ANK2: variants seen among roughly 807,000 people sequenced by gnomAD.
ANK2 encodes the protein ankyrin-2.
In ANK2, 83 loss-of-function variants were observed where a neutral mutation model predicts 360.5. That is an observed-to-expected ratio of 0.23 (90% CI 0.19 to 0.28). ANK2 has a LOEUF of 0.28. Among genes scored for constraint, ANK2 ranks in the 10% least tolerant of loss-of-function variants. ANK2 has a pLI of 1.00. For synonymous variants in ANK2, 1,740 were observed against 1,759.5 expected (o/e 0.99, Z 0.28); for missense variants, 4,201 against 4,795.7 (o/e 0.88, Z 3.66).
intron 1 of ANK2, among the ~76,000 whole-genome samples, chr4:112,842,245 G>A (rs2149813056): frequency 6.6e-6 from 1 of 152,232 alleles, no homozygotes; most frequent in Non-Finnish European, 1.5e-5. Flanking sequence ...CCTGACCTCA[G>A]GTGATCCGCC....
intron 1 of ANK2, chr4:113,107,003 G>A (rs772097007): frequency 4.0e-6 from 2 of 497,288 alleles, no homozygotes; most frequent in Non-Finnish European, 8.2e-6. Context: ...GTGTCAAATG[G>A]TGATTGTTCT....
intron 1 of ANK2, among the ~76,000 whole-genome samples, chr4:113,075,494 A>G (rs1282936998): frequency 6.6e-6 from 1 of 152,176 alleles, no homozygotes; most frequent in Admixed American, 6.5e-5. Context: ...CTGAAAATGC[A>G]TTATGATCTC....
chr4:113,376,838 C>T (rs1254611803), intron 45 of ANK2, among the ~76,000 whole-genome samples: 2 of 134,570 alleles, frequency 1.5e-5, no homozygotes, highest in Non-Finnish European at 3.1e-5. Flanking sequence ...AAACAAAGGC[C>T]TAAGCATGTA....
At position 113,069,402 on chromosome 4, in the gene ANK2, T is replaced by G. The variant is rs942650904; in HGVS notation, c.84+19590T>G. On this transcript the variant is annotated intron_variant, in intron 1 of 45. Coordinates refer to ENST00000357077, the MANE Select transcript of ANK2 (RefSeq NM_001148.6). ...CCAGCACAGGCTACAGTGGACAGTGTGCAATAGCAACCCTTGTCATGAAGG... is the reference window on the plus strand; with the variant it reads ...CCAGCACAGGCTACAGTGGACAGTGGGCAATAGCAACCCTTGTCATGAAGG... Among the ~76,000 whole-genome samples the G allele has an allele frequency of 4.6e-5, 7 of 152,194 alleles. No homozygotes were observed. The East Asian group carries it at 1.3e-3, about 29-fold the overall frequency.
chr4:113,263,903 A>G (rs887431151), intron 13 of ANK2, among the ~76,000 whole-genome samples: 2 of 152,196 alleles, frequency 1.3e-5, no homozygotes, highest in African/African-American at 4.8e-5. Context: ...GAGACAGTAG[A>G]GTAATAACCG....
chr4:113,366,133 C>T (rs563000570), intron 41 of ANK2, among the ~76,000 whole-genome samples: 1 of 152,246 alleles, frequency 6.6e-6, no homozygotes, highest in Non-Finnish European at 1.5e-5. Flanking sequence ...GCTGTTACTC[C>T]ATCCATTTCA....
intron 2 of ANK2, among the ~76,000 whole-genome samples, chr4:112,984,210 G>A (rs925066201): frequency 6.6e-6 from 1 of 152,124 alleles, no homozygotes. Flanking sequence ...TTTTCTTATT[G>A]TATGGGGAGA....
chr4:112,957,643 G>T (rs1161973514), intron 2 of ANK2, among the ~76,000 whole-genome samples: 5 of 150,434 alleles, frequency 3.3e-5, no homozygotes, highest in African/African-American at 9.8e-5. Context: ...CGGGCGGGGG[G>T]CTGACCCCCC....
At chr4:113,117,282 T>C (rs1449544097) in intron 1 of ANK2, 1 of 455,798 alleles carries the variant, frequency 2.2e-6, no homozygotes, top group Non-Finnish European at 4.4e-6. Flanking sequence ...GCTGATTTCC[T>C]CTGCAAAATG....
chr4:112,989,542 C>T (rs1424748878), intron 2 of ANK2, among the ~76,000 whole-genome samples: 1 of 152,212 alleles, frequency 6.6e-6, no homozygotes, highest in African/African-American at 2.4e-5. Flanking sequence ...GCAGTATGTT[C>T]TCATTATGCT....
chr4:113,143,354 G>A (rs747706809), intron 1 of ANK2, among the ~76,000 whole-genome samples: 65 of 152,378 alleles, frequency 4.3e-4, no homozygotes, highest in Non-Finnish European at 8.7e-4. Flanking sequence ...AACAATTCGA[G>A]CTGTTAAAGC....
chr4:112,811,976 G>GAGGC, the ANK2 span, among the ~76,000 whole-genome samples: 1 of 150,352 alleles, frequency 6.7e-6, no homozygotes, highest in Admixed American at 6.7e-5. Flanking sequence ...TCAGGAGGCT[G>GAGGC]AGGCAGGAGA....
chr4:113,381,168 A>C (rs1293030927), intron 45 of ANK2, among the ~76,000 whole-genome samples: 2 of 152,364 alleles, frequency 1.3e-5, no homozygotes, highest in Admixed American at 1.3e-4. Flanking sequence ...TTTTGAGAAG[A>C]TCAAATTAAA....
At chr4:113,037,209 C>T (rs2061800558) in intron 2 of ANK2, among the ~76,000 whole-genome samples, 1 of 151,738 alleles carries the variant, frequency 6.6e-6, no homozygotes, top group South Asian at 2.1e-4. Context: ...ATTTGTGGGC[C>T]CAGGAAATAC....
chr4:113,359,097 A>C lies in ANK2; in HGVS notation c.10479A>C (p.Thr3493=). ...CTTCCAAATTAGTGGATAGGCTGAC[A>C]CAGTCAGAGAGGGAGCAGGAAATAG... ...DEASKLVDRL[T]QSEREQEIVS... is the part of the protein sequence containing the mutation. The change falls in exon 38 of 46, where the codon ACA becomes ACC. Residue 3493 remains threonine (T), a synonymous_variant. Coordinates refer to ENST00000357077, the MANE Select transcript of ANK2 (RefSeq NM_001148.6). 2 of 1,614,072 alleles carry C rather than the reference A, an allele frequency of 1.2e-6. No homozygotes were observed. Among genetic ancestry groups the C allele is most frequent in the Non-Finnish European group, 1.7e-6 (2 of 1,179,944 alleles).
chr4:113,326,390 A>T (rs1204216670), intron 26 of ANK2, among the ~76,000 whole-genome samples: 2 of 152,144 alleles, frequency 1.3e-5, no homozygotes, highest in Non-Finnish European at 2.9e-5. Context: ...TAAAGAAAAG[A>T]CTTCTTTTAT....
chr4:113,055,421 T>C (rs1276195312), intron 1 of ANK2, among the ~76,000 whole-genome samples: 2 of 152,002 alleles, frequency 1.3e-5, no homozygotes, highest in Non-Finnish European at 2.9e-5. Flanking sequence ...AATAGATAGA[T>C]AAATAAATAA....
chr4:113,058,025 T>C (rs1483520930), intron 1 of ANK2, among the ~76,000 whole-genome samples: 1 of 152,172 alleles, frequency 6.6e-6, no homozygotes, highest in Non-Finnish European at 1.5e-5. Flanking sequence ...ATTTGAGACT[T>C]TCCCCTCCTT....
intron 1 of ANK2, among the ~76,000 whole-genome samples, chr4:112,884,500 G>GT (rs909687557): frequency 1.9e-4 from 29 of 150,678 alleles, no homozygotes; most frequent in Non-Finnish European, 3.6e-4. Context: ...TCCTCCTTTA[G>GT]TTTTTTTTTC....
Sources: allele counts gnomAD v4.1 joint callset (sites outside exome capture counted in the v4.1 genomes callset), GRCh38; gene constraint gnomAD v4.1.1; transcripts MANE v1.5; gene names NCBI Gene and HGNC (gene_info 2026-07-23, HGNC 2026-07-21).